ZBTB7C: variants seen among roughly 807,000 people sequenced by gnomAD.
The protein encoded by ZBTB7C is zinc finger and BTB domain-containing protein 7C.
ZBTB7C carries 8 observed loss-of-function variants against 25.7 expected under a neutral mutation model. That is an observed-to-expected ratio of 0.31 (90% CI 0.18 to 0.56). The LOEUF is 0.56. Among genes scored for constraint, ZBTB7C ranks in the 20% least tolerant of loss-of-function variants. ZBTB7C has a pLI of 0.91. For missense variants in ZBTB7C, 824 were observed against 855.2 expected, an observed-to-expected ratio of 0.96 and a Z score of 0.46; for synonymous variants, 394 against 369.0, an observed-to-expected ratio of 1.07 and a Z score of -0.78.
At chr18:48,280,848 CTTTTTTTT>C (rs55760047) in intron 2 of ZBTB7C, among the ~76,000 whole-genome samples, 1 of 79,892 alleles carries the variant, frequency 1.3e-5, no homozygotes, top group Non-Finnish European at 2.5e-5. Context: ...TTTTCTCTCT[CTTTTTTTT>C]TTTTTTTTTT....
chr18:48,180,890 A>C (rs1266976690), intron 3 of ZBTB7C, among the ~76,000 whole-genome samples: 2 of 152,212 alleles, frequency 1.3e-5, no homozygotes, highest in Non-Finnish European at 2.9e-5. Flanking sequence ...ACTGTTACTT[A>C]GTCTTGATGC....
intron 2 of ZBTB7C, among the ~76,000 whole-genome samples, chr18:48,269,891 A>G (rs1260995154): frequency 6.6e-6 from 1 of 152,254 alleles, no homozygotes; most frequent in Non-Finnish European, 1.5e-5. Context: ...CCAGAACAGG[A>G]TTAAAATAAC....
intron 3 of ZBTB7C, among the ~76,000 whole-genome samples, chr18:48,139,840 C>T (rs1053153482): frequency 3.9e-5 from 6 of 152,204 alleles, no homozygotes; most frequent in Non-Finnish European, 7.3e-5. Flanking sequence ...ATGCACCAGA[C>T]TCCAGATCTG....
intron 2 of ZBTB7C, among the ~76,000 whole-genome samples, chr18:48,218,036 C>A (rs2042866071): frequency 1.3e-5 from 2 of 152,120 alleles, no homozygotes; most frequent in Non-Finnish European, 2.9e-5. Context: ...ACTGCCACAC[C>A]ACCACCATGG....
At chr18:48,071,054 C>T (rs1171161380) in intron 3 of ZBTB7C, among the ~76,000 whole-genome samples, 1 of 152,212 alleles carries the variant, frequency 6.6e-6, no homozygotes, top group African/African-American at 2.4e-5. Context: ...ACATCTATAG[C>T]ACAATGCCTA....
At chr18:48,197,034 G>A (rs191568856) in intron 2 of ZBTB7C, among the ~76,000 whole-genome samples, 5 of 152,272 alleles carry the variant, frequency 3.3e-5, no homozygotes, top group Admixed American at 2.0e-4. Context: ...CCCTGGCCAC[G>A]GTGACGAGAC....
At chr18:48,188,944 G>A (rs1390539741) in intron 2 of ZBTB7C, among the ~76,000 whole-genome samples, 2 of 152,148 alleles carry the variant, frequency 1.3e-5, no homozygotes, top group Non-Finnish European at 2.9e-5. Flanking sequence ...GCCACAGCCC[G>A]TAATCAATCA....
intron 1 of ZBTB7C, among the ~76,000 whole-genome samples, chr18:48,367,347 C>CATATATATATATATATATATAT (rs58569472): frequency 2.2e-4 from 10 of 44,836 alleles, no homozygotes; most frequent in African/African-American, 5.8e-4. Context: ...TATATGTGTG[C>CATATATATATATATATATATAT]ATATATATAT....
At chr18:48,083,985 C>A in intron 3 of ZBTB7C, 1 of 667,788 alleles carries the variant, frequency 1.5e-6, no homozygotes, top group Non-Finnish European at 1.9e-6. Flanking sequence ...GCAGGGACAG[C>A]CTCCTCCCTT....
chr18:48,050,686 A>G (rs1269234498), intron 3 of ZBTB7C, among the ~76,000 whole-genome samples: 1 of 152,152 alleles, frequency 6.6e-6, no homozygotes, highest in Non-Finnish European at 1.5e-5. Context: ...AAGGGCCCAG[A>G]AGAGGCCAGA....
chr18:48,096,737 T>C (rs533834375), intron 3 of ZBTB7C, among the ~76,000 whole-genome samples: 3 of 152,200 alleles, frequency 2.0e-5, no homozygotes, highest in Non-Finnish European at 4.4e-5. Context: ...TCCCATCTTG[T>C]GTGGAATCTG....
chr18:48,052,258 G>C (rs933101326), intron 3 of ZBTB7C, among the ~76,000 whole-genome samples: 48 of 152,174 alleles, frequency 3.2e-4, no homozygotes, highest in African/African-American at 1.1e-3. Context: ...ACCCATGAGA[G>C]CACTATTCTT....
chr18:48,315,323 C>T (rs1336779584), intron 2 of ZBTB7C, among the ~76,000 whole-genome samples: 1 of 152,108 alleles, frequency 6.6e-6, no homozygotes, highest in Non-Finnish European at 1.5e-5. Context: ...CAACAGGACA[C>T]AGGGAAATGG....
chr18:48,062,956 C>T (rs2037179748), intron 3 of ZBTB7C, among the ~76,000 whole-genome samples: 1 of 152,214 alleles, frequency 6.6e-6, no homozygotes. Context: ...ACCTGCTCAG[C>T]TCTCTGTTCA....
At chr18:48,310,426 G>C (rs1316470026) in intron 2 of ZBTB7C, among the ~76,000 whole-genome samples, 1 of 128,540 alleles carries the variant, frequency 7.8e-6, no homozygotes, top group Non-Finnish European at 1.7e-5. Flanking sequence ...AGTGGATTCA[G>C]GTTTAAAAAA....
At chr18:48,035,693 T>G (rs535072398) in intron 4 of ZBTB7C, among the ~76,000 whole-genome samples, 1 of 152,384 alleles carries the variant, frequency 6.6e-6, no homozygotes, top group African/African-American at 2.4e-5. Flanking sequence ...TCCCTGTGCA[T>G]GAAGACAAAT....
intron 2 of ZBTB7C, among the ~76,000 whole-genome samples, chr18:48,260,916 A>G (rs962808301): frequency 3.3e-5 from 5 of 152,184 alleles, no homozygotes; most frequent in Non-Finnish European, 7.3e-5. Context: ...AACAAAATCA[A>G]GATAAAAGGC....
At chr18:48,307,426 T>C (rs1315283855) in intron 2 of ZBTB7C, among the ~76,000 whole-genome samples, 2 of 152,266 alleles carry the variant, frequency 1.3e-5, no homozygotes, top group Non-Finnish European at 2.9e-5. Flanking sequence ...GGCCAGGGAC[T>C]GGTCAGGGCC....
intron 1 of ZBTB7C, among the ~76,000 whole-genome samples, chr18:48,341,847 T>C (rs1356349255): frequency 6.6e-6 from 1 of 152,166 alleles, no homozygotes; most frequent in Non-Finnish European, 1.5e-5. Context: ...TTTACAAGTG[T>C]GATCTGGAGA....
Sources: allele counts gnomAD v4.1 joint callset (sites outside exome capture counted in the v4.1 genomes callset), GRCh38; gene constraint gnomAD v4.1.1; transcripts MANE v1.5; gene names NCBI Gene and HGNC (gene_info 2026-07-23, HGNC 2026-07-21).